The following DNM3 variants were observed in gnomAD, a reference collection of about 807,000 sequenced individuals.
DNM3 encodes dynamin-3.
Under a neutral mutation model 101.6 loss-of-function variants are expected in DNM3, and 47 were observed. The observed-to-expected ratio is 0.46, with a 90% CI of 0.37 to 0.59. The LOEUF (loss-of-function observed/expected upper bound fraction) is 0.59. Among genes scored for constraint, DNM3 ranks in the 20% least tolerant of loss-of-function variants. The pLI, the probability that DNM3 is intolerant of heterozygous loss-of-function variation, is 0.00. For missense variants in DNM3, 849 were observed against 1,085.7 expected, an observed-to-expected ratio of 0.78 and a Z score of 3.06; for synonymous variants, 385 against 387.9, an observed-to-expected ratio of 0.99 and a Z score of 0.09.
intron 15 of DNM3, among the ~76,000 whole-genome samples, chr1:172,279,258 G>A (rs575252959): frequency 6.6e-6 from 1 of 152,208 alleles, no homozygotes; most frequent in Admixed American, 6.5e-5. Flanking sequence ...CTATTTAATT[G>A]AGTAGATTTG....
intron 17 of DNM3, among the ~76,000 whole-genome samples, chr1:172,327,560 C>T (rs141023038): frequency 1.3e-5 from 2 of 152,106 alleles, no homozygotes; most frequent in Non-Finnish European, 2.9e-5. Flanking sequence ...AGTACAGTGT[C>T]ATAATGTACA....
chr1:171,955,085 C>T (rs1215908144), intron 2 of DNM3, among the ~76,000 whole-genome samples: 1 of 152,180 alleles, frequency 6.6e-6, no homozygotes, highest in Non-Finnish European at 1.5e-5. Context: ...GTGATAGCAA[C>T]CTTCTACCTT....
At chr1:172,157,135 G>A (rs1282972062) in intron 14 of DNM3, among the ~76,000 whole-genome samples, 4 of 152,006 alleles carry the variant, frequency 2.6e-5, no homozygotes, top group Non-Finnish European at 4.4e-5. Flanking sequence ...TTATCATAAC[G>A]TAGAATCAGG....
At chr1:172,318,825 T>C in intron 16 of DNM3, among the ~76,000 whole-genome samples, 1 of 152,280 alleles carries the variant, frequency 6.6e-6, no homozygotes, top group East Asian at 1.9e-4. Flanking sequence ...AGGTAATTTA[T>C]AGATTCAGTG....
Position 172,270,964 on chromosome 1 carries a change from A to G in DNM3, c.1769+17282A>G, listed in dbSNP as rs141715679. Among the ~76,000 whole-genome samples, 725 of 152,294 alleles carry G rather than the reference A, an allele frequency of 4.8e-3. 3 individuals are homozygous for G. Among genetic ancestry groups the G allele is most frequent in the African/African-American group, 0.016 (685 of 41,570 alleles). ...ACTGAAATCTTTTATAGGTAAGAGT[A>G]TGAGTGATATGTGTTATACTACCAG... On this transcript the variant is annotated intron_variant, in intron 15 of 20. Coordinates refer to ENST00000627582, the MANE Select transcript of DNM3 (RefSeq NM_015569.5).
At chr1:171,925,546 TG>T (rs1474130922) in intron 2 of DNM3, among the ~76,000 whole-genome samples, 1 of 152,190 alleles carries the variant, frequency 6.6e-6, no homozygotes, top group African/African-American at 2.4e-5. Context: ...CACTTTTTAA[TG>T]GGGTTATTTG....
intron 2 of DNM3, among the ~76,000 whole-genome samples, chr1:171,944,337 ATGTATT>A (rs1486032544): frequency 1.4e-5 from 2 of 145,850 alleles, no homozygotes; most frequent in Admixed American, 6.9e-5. Context: ...CTTTTAAACA[ATGTATT>A]TATTTATTTA....
chr1:172,190,025 T>C (rs2059652482), intron 14 of DNM3, among the ~76,000 whole-genome samples: 1 of 151,560 alleles, frequency 6.6e-6, no homozygotes, highest in African/African-American at 2.4e-5. Flanking sequence ...TTTTTTTTTT[T>C]TTTCACTTTA....
chr1:172,173,519 C>G (rs1378715181), intron 14 of DNM3, among the ~76,000 whole-genome samples: 2 of 146,446 alleles, frequency 1.4e-5, no homozygotes, highest in Admixed American at 6.8e-5. Context: ...CAAGGTCTTG[C>G]TATGTTGCTG....
At chr1:172,211,606 A>G (rs971634624) in intron 14 of DNM3, among the ~76,000 whole-genome samples, 1 of 152,090 alleles carries the variant, frequency 6.6e-6, no homozygotes, top group African/African-American at 2.4e-5. Context: ...TAAGTATCTC[A>G]TGTGGACTGA....
At chr1:172,067,819 T>G (rs1269121852) in intron 10 of DNM3, among the ~76,000 whole-genome samples, 1 of 152,214 alleles carries the variant, frequency 6.6e-6, no homozygotes, top group Non-Finnish European at 1.5e-5. Context: ...AAAAAAAATG[T>G]ACATATACAC....
At chr1:171,849,532 TC>T (rs1337311411) in intron 1 of DNM3, among the ~76,000 whole-genome samples, 1 of 152,250 alleles carries the variant, frequency 6.6e-6, no homozygotes, top group Non-Finnish European at 1.5e-5. Context: ...CAAATTCTTT[TC>T]GTGAATGTTG....
chr1:172,374,353 T>C (rs890017593), intron 17 of DNM3, among the ~76,000 whole-genome samples: 4 of 152,106 alleles, frequency 2.6e-5, no homozygotes, highest in South Asian at 2.1e-4. Context: ...TCGGGAGTTC[T>C]GTAGTTGGAT....
chr1:172,260,586 C>T (rs1035659423), intron 15 of DNM3, among the ~76,000 whole-genome samples: 2 of 151,794 alleles, frequency 1.3e-5, no homozygotes, highest in Admixed American at 6.6e-5. Flanking sequence ...GATTCTTTCT[C>T]CTGCTTGTTC....
At chr1:172,215,409 G>T (rs1306568607) in intron 14 of DNM3, among the ~76,000 whole-genome samples, 1 of 152,076 alleles carries the variant, frequency 6.6e-6, no homozygotes, top group African/African-American at 2.4e-5. Flanking sequence ...AGGTATGCTT[G>T]CTGGGAAATA....
chr1:172,098,384 G>A (rs192680115), intron 13 of DNM3, among the ~76,000 whole-genome samples: 17 of 152,322 alleles, frequency 1.1e-4, no homozygotes, highest in Non-Finnish European at 1.5e-5. Context: ...TGGCTCACTG[G>A]CAGTCAGAGT....
intron 14 of DNM3, among the ~76,000 whole-genome samples, chr1:172,165,310 GA>G (rs150866512): frequency 0.032 from 4,804 of 151,846 alleles, 256 homozygotes; most frequent in African/African-American, 0.11. Context: ...TCTTTCAGGG[GA>G]AAAAAAGGTG....
chr1:172,418,228 C>G, intron 20 of DNM3: 1 of 1,238,186 alleles, frequency 8.1e-7, no homozygotes, highest in Non-Finnish European at 1.1e-6. Context: ...TCTTCCTCTG[C>G]ATCTGTGTCT....
At chr1:172,318,476 A>G (rs2065511018) in intron 16 of DNM3, among the ~76,000 whole-genome samples, 1 of 152,236 alleles carries the variant, frequency 6.6e-6, no homozygotes, top group South Asian at 2.1e-4. Context: ...GTGATTGTAT[A>G]TCTAGAAAAC....
Sources: gnomAD v4.1 joint callset for allele counts (sites outside exome capture counted in the v4.1 genomes callset) on GRCh38, gnomAD v4.1.1 for gene constraint, MANE v1.5 for transcripts, NCBI Gene and HGNC (gene_info 2026-07-23, HGNC 2026-07-21) for gene names.